The following RBFOX3 variants were observed in gnomAD, a reference collection of about 807,000 sequenced individuals.
RBFOX3 encodes RNA binding protein fox-1 homolog 3.
A neutral mutation model predicts 48.7 loss-of-function variants in RBFOX3; 17 were observed. That is an observed-to-expected ratio of 0.35 (90% confidence interval 0.24 to 0.52). The LOEUF (loss-of-function observed/expected upper bound fraction) is 0.52. Ranked by LOEUF, RBFOX3 falls within the 20% of genes least tolerant of loss-of-function variation. RBFOX3 has a pLI of 0.94. For missense variants in RBFOX3, 382 were observed against 497.5 expected (o/e 0.77, Z 2.21); for synonymous variants, 212 against 209.5 (o/e 1.01, Z -0.10).
chr17:79,386,649 C>T (rs1002613059), intron 2 of RBFOX3, among the ~76,000 whole-genome samples: 1 of 152,234 alleles, frequency 6.6e-6, no homozygotes, highest in Non-Finnish European at 1.5e-5. Context: ...CCAACAACCA[C>T]GGGCACCTTT....
At chr17:79,620,603 GCA>G in the RBFOX3 span, among the ~76,000 whole-genome samples, 15 of 116,398 alleles carry the variant, frequency 1.3e-4, no homozygotes, top group Middle Eastern at 6.8e-3. Flanking sequence ...ACGCACGCAC[GCA>G]CACATGCACA....
chr17:79,189,427 G>A (rs576627196), intron 4 of RBFOX3, among the ~76,000 whole-genome samples: 1 of 152,308 alleles, frequency 6.6e-6, no homozygotes, highest in African/African-American at 2.4e-5. Context: ...CATGCTCGTC[G>A]TTAGCCCTTG....
chr17:79,499,986 C>T (rs907166977), intron 1 of RBFOX3, among the ~76,000 whole-genome samples: 45 of 152,338 alleles, frequency 3.0e-4, no homozygotes, highest in Admixed American at 5.9e-4. Context: ...TGCCGTGGGA[C>T]TTGTTCAGAA....
chr17:79,385,541 G>A (rs953796951), intron 2 of RBFOX3, among the ~76,000 whole-genome samples: 3 of 152,128 alleles, frequency 2.0e-5, no homozygotes, highest in Non-Finnish European at 2.9e-5. Flanking sequence ...GGCTGAGCCT[G>A]GTCCCCCATG....
the RBFOX3 span, among the ~76,000 whole-genome samples, chr17:79,636,896 T>C: frequency 4.6e-5 from 7 of 152,098 alleles, no homozygotes; most frequent in African/African-American, 1.7e-4. Context: ...AAAAACAAGA[T>C]TCAACAACAT....
chr17:79,663,658 C>T, the RBFOX3 span, among the ~76,000 whole-genome samples: 1 of 152,208 alleles, frequency 6.6e-6, no homozygotes, highest in South Asian at 2.1e-4. Flanking sequence ...GTGTAACTTG[C>T]TGTCAATCAA....
At chr17:79,542,784 A>G (rs1213453683) in intron 1 of RBFOX3, among the ~76,000 whole-genome samples, 6 of 152,236 alleles carry the variant, frequency 3.9e-5, no homozygotes, top group African/African-American at 7.2e-5. Context: ...CTCCATCTCA[A>G]AATAAAAGGA....
rs368358717 is a variant in RBFOX3 at position 79,367,868 on chromosome 17, C to T, written c.-174-60044G>A. The stretch of plus-strand genomic sequence containing the variant: ...AAGGCAGACACTGTGGACAATCCAC[C>T]GACAATCGTTCACTATGAATGGGTT... On this transcript the variant is annotated intron_variant, in intron 2 of 14. Coordinates refer to ENST00000693108, the MANE Select transcript of RBFOX3 (RefSeq NM_001350451.2). Among the ~76,000 whole-genome samples the T allele has an allele frequency of 5.3e-5, 8 of 152,288 alleles. No individual in the cohort carries two copies. In the East Asian group the frequency reaches 9.7e-4, roughly 18 times the overall value.
At chr17:79,317,050 C>G (rs952172823) in intron 2 of RBFOX3, among the ~76,000 whole-genome samples, 1 of 152,178 alleles carries the variant, frequency 6.6e-6, no homozygotes, top group African/African-American at 2.4e-5. Context: ...AAGAAAGGAG[C>G]TGACCCTCCA....
rs1354781006 is a variant in RBFOX3, at chr17:79,097,507, C to G, written c.623-83G>C. 21 of 1,434,776 alleles carry G rather than the reference C, an allele frequency of 1.5e-5. No individual in the cohort carries two copies. The East Asian group carries it at 4.0e-4, about 27-fold the overall frequency. 88.9% of individuals were successfully genotyped at this position (1,434,776 alleles called of 1,614,324 possible). A position where few individuals can be genotyped will look rare whatever the true frequency, so the allele number is the denominator to read the frequency against. ...CCCCTCCCCGTACACCTAGCCCCCC[C>G]GCGCACCTAGCCCCCAACCCCTCCC... On this transcript the variant is annotated intron_variant, in intron 10 of 14. Transcript: ENST00000693108.
chr17:79,168,248 G>T (rs2048428591), intron 4 of RBFOX3, among the ~76,000 whole-genome samples: 1 of 152,172 alleles, frequency 6.6e-6, no homozygotes, highest in Non-Finnish European at 1.5e-5. Flanking sequence ...TCCCCCACTG[G>T]GCAGGGAACC....
intron 2 of RBFOX3, among the ~76,000 whole-genome samples, chr17:79,374,231 G>A (rs906951871): frequency 2.6e-5 from 4 of 152,214 alleles, no homozygotes; most frequent in African/African-American, 9.6e-5. Context: ...AGGGAGAGGA[G>A]GGGCTGACGA....
chr17:79,627,813 G>GTC, the RBFOX3 span, among the ~76,000 whole-genome samples: 90,731 of 151,890 alleles, frequency 0.6, 29,970 homozygotes, highest in Non-Finnish European at 0.76. Context: ...GCTAGTTTCT[G>GTC]TCTCCTCCAG....
chr17:79,439,102 G>A (rs551466827), intron 2 of RBFOX3, among the ~76,000 whole-genome samples: 1 of 152,322 alleles, frequency 6.6e-6, no homozygotes, highest in South Asian at 2.1e-4. Context: ...TGTCCCTCTG[G>A]CGCTGAGCAG....
the RBFOX3 span, among the ~76,000 whole-genome samples, chr17:79,631,785 GA>G: frequency 1.3e-5 from 2 of 152,196 alleles, no homozygotes; most frequent in South Asian, 4.1e-4. Context: ...CTAGCTCCAG[GA>G]CACAGGCAGA....
chr17:79,565,985 C>T (rs2092439617), intron 1 of RBFOX3, among the ~76,000 whole-genome samples: 1 of 152,148 alleles, frequency 6.6e-6, no homozygotes, highest in Non-Finnish European at 1.5e-5. Flanking sequence ...ATTTTGCTAG[C>T]TTCACCCTAC....
rs1228045743 is a variant in RBFOX3 at position 79,532,205 on chromosome 17, GA to G, written c.-319-49608del. On this transcript the variant is annotated intron_variant, in intron 1 of 14. Coordinates refer to ENST00000693108, the MANE Select transcript of RBFOX3 (RefSeq NM_001350451.2). ...ATGTGAATAACTGCACTGGAGGGGG[GA>G]GGGGAGGAGGAAGAATGAGGCTCAG... 4.0e-3 allele frequency among the ~76,000 whole-genome samples: 608 copies of G among 151,828 alleles called. 7 individuals carry two copies. Among genetic ancestry groups the G allele is most frequent in the African/African-American group, 0.013 (525 of 41,292 alleles).
At position 79,276,891 on chromosome 17, in the gene RBFOX3, C is replaced by T. The variant is rs114499956; in HGVS notation, c.-74+30833G>A. ...GGGAATCTGAGGCAGGGAGAGTTTA[C>T]TTGCCTAAGGACTCAGGGCTGGTAC... is the stretch of plus-strand genomic sequence containing the variant. On this transcript the variant is annotated intron_variant, in intron 3 of 14. Coordinates refer to ENST00000693108, the MANE Select transcript of RBFOX3 (RefSeq NM_001350451.2). 2.0e-3 allele frequency among the ~76,000 whole-genome samples: 301 copies of T among 152,290 alleles called. 2 individuals are homozygous for T. Among genetic ancestry groups the T allele is most frequent in the African/African-American group, 6.7e-3 (280 of 41,556 alleles).
intron 3 of RBFOX3, among the ~76,000 whole-genome samples, chr17:79,276,486 G>C (rs1475564159): frequency 6.6e-6 from 1 of 152,136 alleles, no homozygotes; most frequent in African/African-American, 2.4e-5. Flanking sequence ...AGGAGTTCGA[G>C]ACCAGCCTGT....
Sources: gnomAD v4.1 joint callset for allele counts (sites outside exome capture counted in the v4.1 genomes callset) on GRCh38, gnomAD v4.1.1 for gene constraint, MANE v1.5 for transcripts, NCBI Gene and HGNC (gene_info 2026-07-23, HGNC 2026-07-21) for gene names.